Variants in ADGRL2 observed in about 807,000 individuals in gnomAD.
ADGRL2 encodes the protein calcium-independent alpha-latrotoxin receptor 2.
In ADGRL2, 44 loss-of-function variants were observed where a neutral mutation model predicts 157.4. The observed-to-expected ratio is 0.28, with a 90% CI of 0.22 to 0.36. The LOEUF (loss-of-function observed/expected upper bound fraction) is 0.36, where lower values mean the gene tolerates loss of function less well. Among genes scored for constraint, ADGRL2 ranks in the 10% least tolerant of loss-of-function variants. The pLI, the probability that ADGRL2 is intolerant of heterozygous loss-of-function variation, is 1.00. For synonymous variants in ADGRL2, 585 were observed against 624.7 expected, an observed-to-expected ratio of 0.94 and a Z score of 0.95; for missense variants, 1,510 against 1,768.9, an observed-to-expected ratio of 0.85 and a Z score of 2.63.
chr1:81,339,718 A>G (rs1661928584), intron 1 of ADGRL2, among the ~76,000 whole-genome samples: 1 of 152,160 alleles, frequency 6.6e-6, no homozygotes, highest in African/African-American at 2.4e-5. Flanking sequence ...CCTGTTATAC[A>G]CATGATTTCC....
intron 2 of ADGRL2, among the ~76,000 whole-genome samples, chr1:81,884,266 C>T (rs1044016739): frequency 3.9e-5 from 6 of 152,288 alleles, no homozygotes; most frequent in South Asian, 2.1e-4. Context: ...CGAGCCACCG[C>T]GCCCATCCCA....
At chr1:81,955,579 A>G (rs567085935) in intron 10 of ADGRL2, among the ~76,000 whole-genome samples, 64 of 152,316 alleles carry the variant, frequency 4.2e-4, no homozygotes, top group African/African-American at 1.5e-3. Flanking sequence ...GAGCTGACAC[A>G]GGTGGTTGTC....
intron 2 of ADGRL2, among the ~76,000 whole-genome samples, chr1:81,528,621 TG>T (rs2079524488): frequency 8.0e-6 from 1 of 125,344 alleles, no homozygotes; most frequent in African/African-American, 3.3e-5. Context: ...CAGTCCGGCC[TG>T]GGCAAAAAAG....
chr1:81,647,131 A>C (rs1299528901), intron 3 of ADGRL2, among the ~76,000 whole-genome samples: 3 of 152,210 alleles, frequency 2.0e-5, no homozygotes, highest in African/African-American at 4.8e-5. Context: ...AATTCAAACA[A>C]AATCTATCTG....
At position 81,388,661 on chromosome 1, in the gene ADGRL2, A is replaced by G. The variant is rs180802879; in HGVS notation, c.-301-56375A>G. ...GCCCTTTCAACATGAGAGGGCACAG[A>G]TAGGAGTAAACGTGTATGAGGAAGT... On this transcript the variant is annotated intron_variant, in intron 1 of 24. Coordinates refer to the ADGRL2 transcript ENST00000370721. Among the ~76,000 whole-genome samples, 79 of 152,292 alleles carry G rather than the reference A, an allele frequency of 5.2e-4. No homozygotes were observed. In the South Asian group the frequency reaches 9.3e-3, roughly 18 times the overall value.
intron 3 of ADGRL2, among the ~76,000 whole-genome samples, chr1:81,591,890 C>A (rs2081140902): frequency 1.3e-5 from 2 of 152,060 alleles, no homozygotes; most frequent in African/African-American, 4.8e-5. Flanking sequence ...CTGGTGACAC[C>A]CTAGCCTTAG....
chr1:81,851,587 C>T (rs1283674758), intron 2 of ADGRL2, among the ~76,000 whole-genome samples: 1 of 151,706 alleles, frequency 6.6e-6, no homozygotes, highest in Non-Finnish European at 1.5e-5. Flanking sequence ...ATACATCACA[C>T]CTGAAAATAT....
chr1:81,854,776 G>A (rs1428784881), intron 2 of ADGRL2, among the ~76,000 whole-genome samples: 2 of 150,616 alleles, frequency 1.3e-5, no homozygotes, highest in African/African-American at 4.8e-5. Flanking sequence ...GACCAGCTGA[G>A]AAAAGTTCTT....
Position 81,957,833 on chromosome 1 carries a change from C to T in ADGRL2, c.2017+1773C>T, listed in dbSNP as rs1254729373. Among the ~76,000 whole-genome samples the T allele has an allele frequency of 3.3e-5, 5 of 151,814 alleles. No individual in the cohort carries two copies. The East Asian group carries it at 7.7e-4, about 24-fold the overall frequency. On this transcript the variant is annotated intron_variant, in intron 11 of 23. Transcript: ENST00000686636. ...TCTCTAAAATAATGCTTGGTATTTA[C>T]TAGTCTAAATGCTGATTACCCAAGA...
intron 1 of ADGRL2, among the ~76,000 whole-genome samples, chr1:81,383,696 G>C (rs1451587860): frequency 6.7e-6 from 1 of 150,334 alleles, no homozygotes; most frequent in Non-Finnish European, 1.5e-5. Flanking sequence ...GGTGCACGGT[G>C]GCTCACACCT....
chr1:81,549,334 C>T (rs769337820), intron 2 of ADGRL2, among the ~76,000 whole-genome samples: 1 of 152,098 alleles, frequency 6.6e-6, no homozygotes, highest in Non-Finnish European at 1.5e-5. Context: ...GAAGAATGCT[C>T]GAATAAATGC....
chr1:81,585,642 T>C (rs1227131043), intron 3 of ADGRL2, among the ~76,000 whole-genome samples: 2 of 152,116 alleles, frequency 1.3e-5, no homozygotes, highest in Non-Finnish European at 2.9e-5. Context: ...TCTTGACCAG[T>C]AGCTGACTCT....
chr1:81,809,215 G>A (rs1244746656), intron 1 of ADGRL2, among the ~76,000 whole-genome samples: 1 of 151,976 alleles, frequency 6.6e-6, no homozygotes, highest in Non-Finnish European at 1.5e-5. Context: ...GTTGAAATTA[G>A]TTATCTTAAA....
At chr1:81,598,189 G>C (rs865836736) in intron 3 of ADGRL2, among the ~76,000 whole-genome samples, 2 of 152,104 alleles carry the variant, frequency 1.3e-5, no homozygotes, top group African/African-American at 4.8e-5. Context: ...TGATGGGTGG[G>C]GTAGAATGGT....
At chr1:81,362,188 C>T in intron 1 of ADGRL2, among the ~76,000 whole-genome samples, 1 of 151,786 alleles carries the variant, frequency 6.6e-6, no homozygotes, top group East Asian at 1.9e-4. Flanking sequence ...ACTAAAACAC[C>T]ATAGGAATCT....
intron 2 of ADGRL2, among the ~76,000 whole-genome samples, chr1:81,870,142 A>G (rs1410244285): frequency 6.6e-6 from 1 of 152,116 alleles, no homozygotes; most frequent in Non-Finnish European, 1.5e-5. Flanking sequence ...TTTTTACAAA[A>G]GGAGAATAAA....
At position 81,318,928 on chromosome 1, in the gene ADGRL2, CTTTTTTTTTTTTTTTTT is replaced by C. The variant is rs397980625; in HGVS notation, c.-302+12433_-302+12449del. Among the ~76,000 whole-genome samples, 98 of 45,842 alleles carry C rather than the reference CTTTTTTTTTTTTTTTTT, an allele frequency of 2.1e-3. 3 individuals are homozygous for C. In the Admixed American group the frequency reaches 0.035, roughly 16 times the overall value. 30.1% of individuals were successfully genotyped at this position (45,842 alleles called of 152,430 possible). A position where few individuals can be genotyped will look rare whatever the true frequency, so the allele number is the denominator to read the frequency against. On this transcript the variant is annotated intron_variant, in intron 1 of 24. Transcript: ENST00000370721. ...TTTTATCCTCCATCCTCCATCAATT[CTTTTTTTTTTTTTTTTT>C]TTTTTTTTTTTTTGAGATGGAGTTT...
chr1:81,550,922 C>A (rs1448967452), intron 2 of ADGRL2, among the ~76,000 whole-genome samples: 1 of 151,908 alleles, frequency 6.6e-6, no homozygotes, highest in Non-Finnish European at 1.5e-5. Context: ...ACAGGAAGAA[C>A]AAGTTTGGGT....
chr1:81,762,927 C>T (rs779957916), intron 2 of ADGRL2, among the ~76,000 whole-genome samples: 7 of 151,728 alleles, frequency 4.6e-5, no homozygotes, highest in Non-Finnish European at 1.0e-4. Flanking sequence ...TGGTGAGCCC[C>T]TGTAGTCCCA....
Sources: allele counts gnomAD v4.1 joint callset (sites outside exome capture counted in the v4.1 genomes callset), GRCh38; gene constraint gnomAD v4.1.1; transcripts MANE v1.5; gene names NCBI Gene and HGNC (gene_info 2026-07-23, HGNC 2026-07-21).